MAPRE2: variants seen among roughly 807,000 people sequenced by gnomAD.
MAPRE2 encodes microtubule associated protein RP/EB family member 2.
In MAPRE2, 13 loss-of-function variants were observed where a neutral mutation model predicts 43.2. That is an observed-to-expected ratio of 0.30 (90% CI 0.20 to 0.48). The LOEUF is 0.48. Ranked by LOEUF, MAPRE2 falls within the 20% of genes least tolerant of loss-of-function variation. The probability of loss-of-function intolerance (pLI) is 0.99; values close to 1 mark genes in which losing one functional copy is unlikely to be tolerated. For missense variants in MAPRE2, 161 were observed against 400.2 expected (o/e 0.40, Z 5.10); for synonymous variants, 135 against 148.8 (o/e 0.91, Z 0.68).
chr18:35,097,678 T>C, intron 3 of MAPRE2, 87 bp downstream of exon 3: 1 of 1,209,176 alleles, frequency 8.3e-7, no homozygotes, highest in Non-Finnish European at 1.2e-6. Flanking sequence ...AGCATACCAA[T>C]GGGATATATC....
Position 35,071,759 on chromosome 18 carries a change from G to A in MAPRE2, c.250+1437G>A, listed in dbSNP as rs569036169. Among the ~76,000 whole-genome samples, 10 of 152,274 alleles carry A rather than the reference G, an allele frequency of 6.6e-5. No individual in the cohort carries two copies. In the East Asian group the frequency reaches 1.9e-3, roughly 29 times the overall value. The stretch of plus-strand genomic sequence containing the variant: ...AAATATTCTCCCTTCACCAGGTCTG[G>A]ACTTGATCAGAATACTCCTAGAGCA... On this transcript the variant is annotated intron_variant, in intron 2 of 6. Coordinates refer to ENST00000300249, the MANE Select transcript of MAPRE2 (RefSeq NM_014268.4).
chr18:35,138,515 C>CT (rs1203706893), intron 6 of MAPRE2, among the ~76,000 whole-genome samples: 1 of 152,068 alleles, frequency 6.6e-6, no homozygotes, highest in Non-Finnish European at 1.5e-5. Flanking sequence ...GAAAGGGTTA[C>CT]TTTTTTAAAA....
At chr18:34,984,433 A>T (rs2097017953) in intron 1 of MAPRE2, 1 of 150,736 alleles carries the variant, frequency 6.6e-6, no homozygotes, top group South Asian at 2.1e-4. Context: ...AGACAAAGGG[A>T]TTCCTTTTTC....
intron 2 of MAPRE2, among the ~76,000 whole-genome samples, chr18:35,032,634 T>A (rs1203422869): frequency 6.6e-6 from 1 of 152,154 alleles, no homozygotes; most frequent in African/African-American, 2.4e-5. Flanking sequence ...CAGGGTTCAG[T>A]CTTCCTCAAT....
chr18:35,069,515 G>A (rs1907003858), intron 1 of MAPRE2, among the ~76,000 whole-genome samples: 1 of 152,132 alleles, frequency 6.6e-6, no homozygotes, highest in East Asian at 1.9e-4. Context: ...GTTGATAGGA[G>A]TATAAATCAA....
At chr18:35,084,303 CT>C (rs1260544783) in intron 2 of MAPRE2, among the ~76,000 whole-genome samples, 338 of 152,196 alleles carry the variant, frequency 2.2e-3, no homozygotes, top group African/African-American at 7.8e-3. Flanking sequence ...AATAACATTA[CT>C]TTTTAAAAAA....
chr18:35,010,932 T>C (rs770257759), intron 2 of MAPRE2, among the ~76,000 whole-genome samples: 1 of 152,192 alleles, frequency 6.6e-6, no homozygotes, highest in Non-Finnish European at 1.5e-5. Context: ...ATGTCTGTTA[T>C]ACTATTATAA....
rs559870508 is a variant in MAPRE2, at chr18:35,132,001, G to T, written c.751-31G>T. ...CATGTCTTATACTATATTTTGGGTG[G>T]TTTTTTTTCTTCACTCTCACTCCCT... On this transcript the variant is annotated intron_variant, in intron 5 of 6. Coordinates refer to ENST00000300249, the MANE Select transcript of MAPRE2 (RefSeq NM_014268.4). 4.8e-5 allele frequency: 77 copies of T among 1,607,192 alleles called. No individual in the cohort carries two copies. The African/African-American group carries it at 4.8e-4, about 10-fold the overall frequency.
At chr18:35,060,280 C>T (rs953358860) in intron 1 of MAPRE2, among the ~76,000 whole-genome samples, 1 of 152,018 alleles carries the variant, frequency 6.6e-6, no homozygotes, top group Non-Finnish European at 1.5e-5. Flanking sequence ...AGTGGATGTG[C>T]TGGGAGCTGA....
chr18:35,056,469 C>T (rs1348881230), intron 1 of MAPRE2, among the ~76,000 whole-genome samples: 2 of 152,116 alleles, frequency 1.3e-5, no homozygotes, highest in East Asian at 3.8e-4. Context: ...TTGCTGAACT[C>T]AAACCTTTTT....
intron 1 of MAPRE2, among the ~76,000 whole-genome samples, chr18:34,977,654 C>T (rs113938499): frequency 2.6e-5 from 4 of 152,218 alleles, no homozygotes; most frequent in African/African-American, 9.6e-5. Flanking sequence ...CACTCTCCCA[C>T]TCCGACGCCG....
chr18:35,040,278 A>G (rs905179514), upstream of MAPRE2, among the ~76,000 whole-genome samples: 1 of 152,262 alleles, frequency 6.6e-6, no homozygotes, highest in African/African-American at 2.4e-5. Context: ...TTTTCAGTTT[A>G]TAATCTAATC....
At chr18:35,007,189 C>T (rs2097032239) in intron 2 of MAPRE2, among the ~76,000 whole-genome samples, 1 of 152,162 alleles carries the variant, frequency 6.6e-6, no homozygotes, top group Admixed American at 6.5e-5. Flanking sequence ...ACTGCTAGCC[C>T]TTATAGTAGG....
intron 2 of MAPRE2, among the ~76,000 whole-genome samples, chr18:35,015,633 AGTGT>A (rs3082290): frequency 0.045 from 6,037 of 134,802 alleles, 140 homozygotes; most frequent in Middle Eastern, 0.11. Context: ...TAGGGATGGC[AGTGT>A]GTGTGTGTGT....
Position 35,129,032 on chromosome 18 carries a change from C to T in MAPRE2, c.750+1945C>T, listed in dbSNP as rs571511799. On this transcript the variant is annotated intron_variant, in intron 5 of 6. Coordinates refer to ENST00000300249, the MANE Select transcript of MAPRE2 (RefSeq NM_014268.4). Reference sequence around the variant, plus strand: ...CCATCCACAATGCCACTCAGAGAACCGAGTGAGAAGAGAGAGGAATAGGCC... The same window carrying T: ...CCATCCACAATGCCACTCAGAGAACTGAGTGAGAAGAGAGAGGAATAGGCC... Among the ~76,000 whole-genome samples, 4 of 152,026 alleles carry T rather than the reference C, an allele frequency of 2.6e-5. No individual in the cohort carries two copies. In the South Asian group the frequency reaches 8.3e-4, roughly 32 times the overall value.
chr18:35,038,135 C>T (rs1406879675), upstream of MAPRE2, among the ~76,000 whole-genome samples: 3 of 152,166 alleles, frequency 2.0e-5, no homozygotes, highest in Non-Finnish European at 4.4e-5. Context: ...AATGTTCCAT[C>T]CTGTGGACCC....
intron 2 of MAPRE2, among the ~76,000 whole-genome samples, chr18:35,029,392 C>G (rs954596003): frequency 6.6e-6 from 1 of 152,266 alleles, no homozygotes; most frequent in South Asian, 2.1e-4. Flanking sequence ...CAGAGAAGTT[C>G]CAGGCTCAGG....
intron 1 of MAPRE2, among the ~76,000 whole-genome samples, chr18:35,056,722 T>C (rs1470076243): frequency 6.6e-6 from 1 of 152,244 alleles, no homozygotes; most frequent in African/African-American, 2.4e-5. Context: ...CTAGGTCTTG[T>C]GGTAATTTCC....
chr18:35,117,010 G>T (rs955317268), intron 4 of MAPRE2, among the ~76,000 whole-genome samples: 1 of 152,182 alleles, frequency 6.6e-6, no homozygotes, highest in African/African-American at 2.4e-5. Context: ...TTAGAATCTC[G>T]TAAACCAGCT....
Sources: gnomAD v4.1 joint callset for allele counts (sites outside exome capture counted in the v4.1 genomes callset) on GRCh38, gnomAD v4.1.1 for gene constraint, MANE v1.5 for transcripts, NCBI Gene and HGNC (gene_info 2026-07-23, HGNC 2026-07-21) for gene names.